The following THRB variants were observed in gnomAD, a reference collection of about 807,000 sequenced individuals.
THRB encodes the protein thyroid hormone receptor beta.
THRB carries 12 observed loss-of-function variants against 47.8 expected under a neutral mutation model. The ratio of observed to expected loss-of-function variants is 0.25; its 90% CI spans 0.16 to 0.41. The LOEUF is 0.41. Among genes scored for constraint, THRB ranks in the 10% least tolerant of loss-of-function variants. The pLI, the probability that THRB is intolerant of heterozygous loss-of-function variation, is 1.00. For missense variants in THRB, 348 were observed against 589.2 expected, an observed-to-expected ratio of 0.59 and a Z score of 4.24; for synonymous variants, 218 against 212.2, an observed-to-expected ratio of 1.03 and a Z score of -0.24.
At chr3:24,124,122 A>G (rs1372921763) in intron 10 of THRB, among the ~76,000 whole-genome samples, 1 of 152,172 alleles carries the variant, frequency 6.6e-6, no homozygotes, top group Admixed American at 6.5e-5. Context: ...CAAAGGTCCA[A>G]TTATTGAGGT....
intron 3 of THRB, among the ~76,000 whole-genome samples, chr3:24,271,485 G>A (rs893803268): frequency 3.9e-5 from 6 of 152,146 alleles, no homozygotes; most frequent in Non-Finnish European, 7.4e-5. Context: ...CAAAGAGAGG[G>A]CTTCTCTGAT....
chr3:24,143,472 T>C, intron 8 of THRB, 29 bp downstream of exon 8: 1 of 1,608,908 alleles, frequency 6.2e-7, no homozygotes, highest in Non-Finnish European at 8.5e-7. Flanking sequence ...GGCATATAAG[T>C]GAAACTGATC....
At chr3:24,188,523 T>C (rs1386374585) in intron 5 of THRB, among the ~76,000 whole-genome samples, 2 of 152,274 alleles carry the variant, frequency 1.3e-5, no homozygotes, top group East Asian at 3.9e-4. Flanking sequence ...GAGACATAGA[T>C]GGACTCTATG....
intron 3 of THRB, among the ~76,000 whole-genome samples, chr3:24,252,513 C>G (rs1362583358): frequency 6.6e-6 from 1 of 151,706 alleles, no homozygotes; most frequent in African/African-American, 2.4e-5. Context: ...GAAGAAACCA[C>G]AAGAAAATCT....
chr3:24,451,337 G>A lies in THRB; in HGVS notation c.-261+43315C>T, dbSNP rs189121627. Among the ~76,000 whole-genome samples the A allele has an allele frequency of 2.9e-4, 43 of 149,952 alleles. No homozygotes were observed. The East Asian group carries it at 8.3e-3, about 29-fold the overall frequency. ...CAACCTCTGTCTCCCAGATTCAAGC[G>A]ATTCTCCTGCCTCAGCCTCCCGAGT... On this transcript the variant is annotated intron_variant, in intron 1 of 10. Transcript: ENST00000646209.
At chr3:24,212,248 A>T (rs2046110379) in intron 4 of THRB, among the ~76,000 whole-genome samples, 1 of 152,102 alleles carries the variant, frequency 6.6e-6, no homozygotes, top group Admixed American at 6.5e-5. Context: ...AATACAAAAA[A>T]TTAGCTAGGC....
At chr3:24,313,165 G>A (rs2057874417) in intron 2 of THRB, among the ~76,000 whole-genome samples, 1 of 152,102 alleles carries the variant, frequency 6.6e-6, no homozygotes. Context: ...AATTTTCAAG[G>A]CTCAGCTCAG....
intron 2 of THRB, among the ~76,000 whole-genome samples, chr3:24,334,852 A>T (rs1175215889): frequency 1.3e-5 from 2 of 152,210 alleles, no homozygotes; most frequent in Non-Finnish European, 2.9e-5. Context: ...GTACAATCTT[A>T]GGAGGCAAAG....
At chr3:24,344,882 T>C (rs1000103382) in intron 1 of THRB, among the ~76,000 whole-genome samples, 3 of 152,058 alleles carry the variant, frequency 2.0e-5, no homozygotes, top group African/African-American at 4.8e-5. Flanking sequence ...AACCACAGTA[T>C]GAAAAACACT....
At chr3:24,256,769 G>T (rs973265391) in intron 3 of THRB, among the ~76,000 whole-genome samples, 13 of 152,202 alleles carry the variant, frequency 8.5e-5, no homozygotes, top group Non-Finnish European at 1.8e-4. Flanking sequence ...GAAGGAGAAG[G>T]TGAGGTTATT....
At chr3:24,460,755 G>T (rs78821796) in intron 1 of THRB, among the ~76,000 whole-genome samples, 3,506 of 152,294 alleles carry the variant, frequency 0.023, 75 homozygotes, top group East Asian at 0.086. Context: ...TGTAAGAAGT[G>T]CTTCCAGGAA....
intron 3 of THRB, among the ~76,000 whole-genome samples, chr3:24,254,483 A>C (rs1465967063): frequency 1.3e-5 from 2 of 152,162 alleles, no homozygotes; most frequent in Admixed American, 6.6e-5. Flanking sequence ...AGGTAGTCCC[A>C]AAAGAGTGGC....
At chr3:24,133,965 C>T (rs1045317737) in intron 8 of THRB, among the ~76,000 whole-genome samples, 14 of 152,164 alleles carry the variant, frequency 9.2e-5, no homozygotes, top group African/African-American at 3.4e-4. Flanking sequence ...TTGAAGCTCC[C>T]CTCTGCCCTA....
chr3:24,291,955 T>C (rs2055965871), intron 3 of THRB, among the ~76,000 whole-genome samples: 1 of 152,156 alleles, frequency 6.6e-6, no homozygotes, highest in African/African-American at 2.4e-5. Context: ...ATTGCAACAT[T>C]CTGGAAATAA....
At chr3:24,235,923 C>T (rs1411933821) in intron 3 of THRB, among the ~76,000 whole-genome samples, 1 of 152,106 alleles carries the variant, frequency 6.6e-6, no homozygotes, top group Non-Finnish European at 1.5e-5. Context: ...TTGTGGGGTG[C>T]TGGGTATGAC....
At chr3:24,461,178 G>A (rs1452712995) in intron 1 of THRB, among the ~76,000 whole-genome samples, 1 of 152,182 alleles carries the variant, frequency 6.6e-6, no homozygotes, top group Non-Finnish European at 1.5e-5. Flanking sequence ...CTTTGGAGAG[G>A]TTGGCTACAG....
intron 9 of THRB, among the ~76,000 whole-genome samples, chr3:24,132,901 T>A (rs35167971): frequency 0.017 from 2,568 of 152,324 alleles, 26 homozygotes; most frequent in Non-Finnish European, 0.027. Flanking sequence ...GATAACTTAA[T>A]CTCTTTGATC....
At chr3:24,231,581 C>G (rs1361328538) in intron 3 of THRB, among the ~76,000 whole-genome samples, 2 of 151,912 alleles carry the variant, frequency 1.3e-5, no homozygotes, top group African/African-American at 4.8e-5. Context: ...GTTACTTTTA[C>G]TGTAGTATTT....
chr3:24,251,510 T>C (rs2044753), intron 3 of THRB, among the ~76,000 whole-genome samples: 20,467 of 152,020 alleles, frequency 0.13, 1,534 homozygotes, highest in African/African-American at 0.2. Flanking sequence ...AGAAAGGGAA[T>C]TATTTATGTA....
Sources: allele counts gnomAD v4.1 joint callset (sites outside exome capture counted in the v4.1 genomes callset), GRCh38; gene constraint gnomAD v4.1.1; transcripts MANE v1.5; gene names NCBI Gene and HGNC (gene_info 2026-07-23, HGNC 2026-07-21).